Variants in ACACA observed in about 807,000 individuals in gnomAD.
The protein encoded by ACACA is acetyl-CoA carboxylase 1.
A neutral mutation model predicts 296.1 loss-of-function variants in ACACA; 103 were observed. That is an observed-to-expected ratio of 0.35 (90% CI 0.30 to 0.41). The LOEUF is 0.41. Ranked by LOEUF, ACACA falls within the 10% of genes least tolerant of loss-of-function variation. The pLI is 1.00. For missense variants in ACACA, 1,554 were observed against 2,989.7 expected (o/e 0.52, Z 11.20); for synonymous variants, 953 against 1,038.6 (o/e 0.92, Z 1.58).
intron 1 of ACACA, chr17:37,386,204 C>A: frequency 2.2e-6 from 2 of 905,078 alleles, no homozygotes; most frequent in Non-Finnish European, 3.4e-6. Flanking sequence ...CATTTTTAGC[C>A]CCAGCGTTAG....
At chr17:37,106,281 G>A (rs1308476714) in intron 52 of ACACA, among the ~76,000 whole-genome samples, 1 of 152,162 alleles carries the variant, frequency 6.6e-6, no homozygotes, top group Admixed American at 6.5e-5. Context: ...TATTTTATGA[G>A]GAACCCTGCA....
intron 54 of ACACA, among the ~76,000 whole-genome samples, chr17:37,096,532 C>T (rs550053158): frequency 2.0e-5 from 3 of 152,330 alleles, no homozygotes; most frequent in South Asian, 2.1e-4. Flanking sequence ...ACTTACTGCA[C>T]AAGGCTTCTT....
rs776893020 is a variant in ACACA at position 37,107,959 on chromosome 17, G to A, written c.6565+3572C>T. Among the ~76,000 whole-genome samples, 10 of 152,212 alleles carry A rather than the reference G, an allele frequency of 6.6e-5. 1 individual carries two copies. In the South Asian group the frequency reaches 8.3e-4, roughly 13 times the overall value. On this transcript the variant is annotated intron_variant, in intron 52 of 55. Coordinates refer to ENST00000616317, the MANE Select transcript of ACACA (RefSeq NM_198834.3). Reference sequence around the variant, plus strand: ...CTCCTGGCCTTGTGAGGCAGTAGAAGGATGTCAGAGAGAGACAAAAAGGAC... The same window carrying A: ...CTCCTGGCCTTGTGAGGCAGTAGAAAGATGTCAGAGAGAGACAAAAAGGAC...
intron 54 of ACACA, among the ~76,000 whole-genome samples, chr17:37,089,989 C>T (rs868030718): frequency 6.6e-6 from 1 of 152,138 alleles, no homozygotes; most frequent in South Asian, 2.1e-4. Flanking sequence ...TTTAAAGGTG[C>T]GCTATCCTTC....
At chr17:37,370,898 C>T (rs1381862148) in intron 1 of ACACA, among the ~76,000 whole-genome samples, 4 of 149,974 alleles carry the variant, frequency 2.7e-5, no homozygotes, top group East Asian at 4.0e-4. Context: ...GCAGGAGAAT[C>T]GCCTGAACCT....
intron 1 of ACACA, among the ~76,000 whole-genome samples, chr17:37,349,139 C>T (rs2048770966): frequency 6.6e-6 from 1 of 150,656 alleles, no homozygotes; most frequent in South Asian, 2.1e-4. Flanking sequence ...CCGCTCACTG[C>T]AACCTCCACC....
intron 1 of ACACA, among the ~76,000 whole-genome samples, chr17:37,383,354 A>T (rs1030360923): frequency 3.3e-5 from 5 of 152,168 alleles, no homozygotes; most frequent in African/African-American, 1.2e-4. Flanking sequence ...GCACTTGGTT[A>T]GCCTCCCAGA....
intron 19 of ACACA, among the ~76,000 whole-genome samples, chr17:37,245,450 C>T (rs1427221905): frequency 6.6e-6 from 1 of 152,148 alleles, no homozygotes; most frequent in Non-Finnish European, 1.5e-5. Flanking sequence ...CTAACTTTTA[C>T]AACCATTTTG....
intron 41 of ACACA, among the ~76,000 whole-genome samples, chr17:37,177,903 C>T (rs1165054748): frequency 6.6e-6 from 1 of 152,206 alleles, no homozygotes; most frequent in African/African-American, 2.4e-5. Flanking sequence ...ACCAAATCAT[C>T]TACTGTTGGC....
Position 37,113,833 on chromosome 17 carries a change from T to C in ACACA, c.6275-568A>G, listed in dbSNP as rs577913868. ...TAGTGCTCAACAAATATCTGCTGAATGAATGAATGCTGAATAAATTAGTTA... is the reference window on the plus strand; with the variant it reads ...TAGTGCTCAACAAATATCTGCTGAACGAATGAATGCTGAATAAATTAGTTA... On this transcript the variant is annotated intron_variant, in intron 50 of 55. Coordinates refer to ENST00000616317, the MANE Select transcript of ACACA (RefSeq NM_198834.3). The surrounding 1 kb of genome is among the most constrained non-coding windows in gnomAD (Gnocchi z 4.0). 7.9e-5 allele frequency among the ~76,000 whole-genome samples: 12 copies of C among 152,330 alleles called. No individual in the cohort carries two copies. Among genetic ancestry groups the C allele is most frequent in the South Asian group, 4.1e-4 (2 of 4,822 alleles).
intron 10 of ACACA, among the ~76,000 whole-genome samples, chr17:37,264,745 T>C (rs2081671154): frequency 1.3e-5 from 2 of 152,256 alleles, no homozygotes; most frequent in Admixed American, 1.3e-4. Flanking sequence ...AAGTACATGA[T>C]GTTAGACCAT....
chr17:37,246,796 A>G, intron 19 of ACACA, 30 bp downstream of exon 19: 5 of 1,612,282 alleles, frequency 3.1e-6, no homozygotes, highest in South Asian at 1.1e-5. Context: ...TTCCCCTCCC[A>G]TGATCCCACA....
At chr17:37,307,010 A>T (rs970992017) in intron 3 of ACACA, among the ~76,000 whole-genome samples, 1 of 152,068 alleles carries the variant, frequency 6.6e-6, no homozygotes, top group Non-Finnish European at 1.5e-5. Context: ...ATGTGTATAA[A>T]ATTTATCTAT....
chr17:37,275,734 C>G (rs2146473438), intron 8 of ACACA, among the ~76,000 whole-genome samples: 1 of 152,188 alleles, frequency 6.6e-6, no homozygotes, highest in African/African-American at 2.4e-5. Flanking sequence ...CAAGATCACT[C>G]CAGATCACAA....
chr17:37,406,149 G>A, intron 1 of ACACA, 113 bp downstream of exon 1: 2 of 1,230,594 alleles, frequency 1.6e-6, no homozygotes, highest in Non-Finnish European at 2.4e-6. Flanking sequence ...AGTTTTAAAT[G>A]AGACCGTATG....
At chr17:37,221,575 C>A in intron 29 of ACACA, 149 bp downstream of exon 29, 1 of 755,036 alleles carries the variant, frequency 1.3e-6, no homozygotes, top group Non-Finnish European at 2.4e-6. Flanking sequence ...AAGTGGGCAC[C>A]AAAAGGCTCT....
intron 48 of ACACA, 54 bp downstream of exon 48, chr17:37,125,644 T>C (rs1295441294): frequency 4.9e-6 from 7 of 1,429,758 alleles, no homozygotes; most frequent in Non-Finnish European, 5.9e-6. Flanking sequence ...TGGCTCTTTC[T>C]TTCTTATTTT....
intron 29 of ACACA, among the ~76,000 whole-genome samples, chr17:37,218,702 T>C (rs181389396): frequency 5.3e-5 from 8 of 152,338 alleles, no homozygotes; most frequent in Admixed American, 2.0e-4. Flanking sequence ...TAACTGAGCC[T>C]TACAGGACAG....
intron 24 of ACACA, among the ~76,000 whole-genome samples, chr17:37,236,971 A>C (rs1423124158): frequency 6.6e-6 from 1 of 152,238 alleles, no homozygotes; most frequent in African/African-American, 2.4e-5. Flanking sequence ...TTAATAGAAC[A>C]TCTCTAGTAT....
Sources: allele counts gnomAD v4.1 joint callset (sites outside exome capture counted in the v4.1 genomes callset), GRCh38; gene constraint gnomAD v4.1.1; non-coding constraint Gnocchi (gnomAD v3.1); transcripts MANE v1.5; gene names NCBI Gene and HGNC (gene_info 2026-07-23, HGNC 2026-07-21).